AMD1: variants seen among roughly 807,000 people sequenced by gnomAD.
AMD1 encodes adenosylmethionine decarboxylase 1.
In AMD1, 11 loss-of-function variants were observed where a neutral mutation model predicts 40.2. That is an observed-to-expected ratio of 0.27 (90% CI 0.17 to 0.45). The LOEUF (loss-of-function observed/expected upper bound fraction) is 0.45, where lower values mean the gene tolerates loss of function less well. Among genes scored for constraint, AMD1 ranks in the 20% least tolerant of loss-of-function variants. AMD1 has a pLI of 1.00. For synonymous variants in AMD1, 121 were observed against 130.8 expected (o/e 0.93, Z 0.51); for missense variants, 257 against 410.2 (o/e 0.63, Z 3.23).
the AMD1 span, among the ~76,000 whole-genome samples, chr6:110,850,246 C>T: frequency 2.6e-5 from 4 of 152,128 alleles, no homozygotes; most frequent in African/African-American, 7.2e-5. Context: ...AGAATTAAAA[C>T]ATAACATACA....
At chr6:110,858,156 T>C in the AMD1 span, 1 of 570,870 alleles carries the variant, frequency 1.8e-6, no homozygotes, top group Non-Finnish European at 3.2e-6. Flanking sequence ...CATAAAAATA[T>C]CCCTAGAGGA....
chr6:110,858,935 A>C, the AMD1 span: 195 of 972,382 alleles, frequency 2.0e-4, no homozygotes, highest in Non-Finnish European at 3.0e-4. Context: ...CCAAGCTGGG[A>C]ACCGACAAGT....
chr6:110,877,106 G>T (rs1785154638), intron 1 of AMD1, among the ~76,000 whole-genome samples: 1 of 152,174 alleles, frequency 6.6e-6, no homozygotes, highest in Non-Finnish European at 1.5e-5. Context: ...TACTGCTCCA[G>T]TGTGGCTTTT....
rs1426808339 is a variant in AMD1 at position 110,875,035 on chromosome 6, G to T, written c.-71G>T. 2 of 1,214,214 alleles carry T rather than the reference G, an allele frequency of 1.6e-6. No individual in the cohort carries two copies. Among genetic ancestry groups the T allele is most frequent in the Non-Finnish European group, 2.4e-6 (2 of 849,070 alleles). The allele number at this position is 1,214,214 out of a possible 1,614,324, so 75.2% of individuals were successfully genotyped here. A position where few individuals can be genotyped will look rare whatever the true frequency, so the allele number is the denominator to read the frequency against. ...GCTGGAACAATCCGCAGCGGCGGCG[G>T]CAGCGGCGGGAGAAGAGGTTTAATT... On this transcript the variant is annotated 5_prime_UTR_variant, in exon 1 of 9. Coordinates refer to ENST00000368885, the MANE Select transcript of AMD1 (RefSeq NM_001634.6).
At chr6:110,840,275 A>G in the AMD1 span, among the ~76,000 whole-genome samples, 2 of 151,944 alleles carry the variant, frequency 1.3e-5, no homozygotes, top group Non-Finnish European at 2.9e-5. Flanking sequence ...GTGTCCTCCA[A>G]TTCAATTCCG....
At chr6:110,881,623 C>G (rs1785413561) in intron 1 of AMD1, among the ~76,000 whole-genome samples, 1 of 151,960 alleles carries the variant, frequency 6.6e-6, no homozygotes, top group Non-Finnish European at 1.5e-5. Flanking sequence ...CGAGACCAGC[C>G]TGGCCAGCAT....
chr6:110,833,128 C>T, the AMD1 span, among the ~76,000 whole-genome samples: 1 of 152,158 alleles, frequency 6.6e-6, no homozygotes, highest in Non-Finnish European at 1.5e-5. Context: ...GCTGATCCAC[C>T]TATTTTTAAC....
intron 1 of AMD1, among the ~76,000 whole-genome samples, chr6:110,875,946 C>T (rs944803241): frequency 1.3e-5 from 2 of 152,158 alleles, no homozygotes; most frequent in Admixed American, 1.3e-4. Flanking sequence ...CCGCTGAGGC[C>T]GCTGGGGGCT....
the AMD1 span, among the ~76,000 whole-genome samples, chr6:110,838,507 AG>A: frequency 6.6e-6 from 1 of 152,170 alleles, no homozygotes; most frequent in African/African-American, 2.4e-5. Flanking sequence ...CATCTATATT[AG>A]GTCTGCTAGT....
the AMD1 span, among the ~76,000 whole-genome samples, chr6:110,855,063 C>CTTTTTTTTTTTTTTT: frequency 9.3e-6 from 1 of 107,336 alleles, no homozygotes; most frequent in South Asian, 3.7e-4. Context: ...TTCTCTCTCT[C>CTTTTTTTTTTTTTTT]TCTTTTTTTT....
chr6:110,878,617 G>T (rs924415618), intron 1 of AMD1, among the ~76,000 whole-genome samples: 1 of 152,180 alleles, frequency 6.6e-6, no homozygotes, highest in South Asian at 2.1e-4. Flanking sequence ...TACGGATGTT[G>T]AATAAAAATC....
At chr6:110,892,512 G>A (rs1786080428) in intron 6 of AMD1, 69 bp downstream of exon 6, 1 of 1,592,792 alleles carries the variant, frequency 6.3e-7, no homozygotes. Flanking sequence ...TTTTCATTCT[G>A]TAACTTTTAA....
the AMD1 span, chr6:110,815,070 C>G: frequency 6.2e-7 from 1 of 1,605,104 alleles, no homozygotes; most frequent in Non-Finnish European, 8.5e-7. Context: ...TTGCACCCTT[C>G]GTACTCAAAC....
chr6:110,885,710 A>T (rs543319899), intron 1 of AMD1, among the ~76,000 whole-genome samples: 4 of 152,328 alleles, frequency 2.6e-5, no homozygotes, highest in South Asian at 4.1e-4. Context: ...TAGCTCTTTT[A>T]AAAAAGTTGC....
At chr6:110,828,156 C>A in the AMD1 span, among the ~76,000 whole-genome samples, 5 of 152,028 alleles carry the variant, frequency 3.3e-5, no homozygotes, top group Non-Finnish European at 5.9e-5. Context: ...GCTGGCCAGG[C>A]CCGGTGGCTC....
the AMD1 span, chr6:110,856,437 A>G: frequency 6.6e-6 from 1 of 152,234 alleles, no homozygotes; most frequent in Non-Finnish European, 1.5e-5. Flanking sequence ...AAATGCACAT[A>G]TACTAAAATT....
the AMD1 span, among the ~76,000 whole-genome samples, chr6:110,846,707 T>C: frequency 6.6e-6 from 1 of 151,992 alleles, no homozygotes. Context: ...TCGTCTCTAC[T>C]AAAAATACAA....
chr6:110,832,149 C>T, the AMD1 span, among the ~76,000 whole-genome samples: 4 of 151,732 alleles, frequency 2.6e-5, no homozygotes, highest in South Asian at 2.1e-4. Context: ...GAACTACAGG[C>T]GCATGCCACC....
At chr6:110,884,974 G>T (rs1409916886) in intron 1 of AMD1, among the ~76,000 whole-genome samples, 1 of 152,146 alleles carries the variant, frequency 6.6e-6, no homozygotes, top group Admixed American at 6.5e-5. Flanking sequence ...ATCTGAAATT[G>T]TAATGTTTCT....
Sources: gnomAD v4.1 joint callset for allele counts (sites outside exome capture counted in the v4.1 genomes callset) on GRCh38, gnomAD v4.1.1 for gene constraint, MANE v1.5 for transcripts, NCBI Gene and HGNC (gene_info 2026-07-23, HGNC 2026-07-21) for gene names.